The following PLEKHA5 variants were observed in gnomAD, a reference collection of about 807,000 sequenced individuals.
PLEKHA5 encodes pleckstrin homology domain-containing family A member 5.
Under a neutral mutation model 181.9 loss-of-function variants are expected in PLEKHA5, and 55 were observed. That is an observed-to-expected ratio of 0.30 (90% CI 0.24 to 0.38). The LOEUF (loss-of-function observed/expected upper bound fraction) is 0.38, where lower values mean the gene tolerates loss of function less well. Among genes scored for constraint, PLEKHA5 ranks in the 10% least tolerant of loss-of-function variants. The pLI, the probability that PLEKHA5 is intolerant of heterozygous loss-of-function variation, is 1.00. For synonymous variants in PLEKHA5, 535 were observed against 529.4 expected, an observed-to-expected ratio of 1.01 and a Z score of -0.15; for missense variants, 1,432 against 1,549.5, an observed-to-expected ratio of 0.92 and a Z score of 1.27.
intron 3 of PLEKHA5, among the ~76,000 whole-genome samples, chr12:19,161,848 A>G (rs1462901224): frequency 6.6e-6 from 1 of 152,220 alleles, no homozygotes; most frequent in Non-Finnish European, 1.5e-5. Context: ...TGGGAGATTA[A>G]CCAAGATTGA....
chr12:19,290,707 C>T lies in PLEKHA5; in HGVS notation c.1894C>T (p.Leu632=). 2 of 1,534,808 alleles carry T rather than the reference C, an allele frequency of 1.3e-6. No individual in the cohort carries two copies. The highest frequency in any genetic ancestry group is 1.7e-4 in the Middle Eastern group (1 of 5,986). The stretch of plus-strand genomic sequence containing the variant: ...GGAGCTTACGCTGCTGCTAATAAAG[C>T]TGAGACGGCAGCAAGCCGAACTGAG... The part of the protein sequence containing the change: ...PEELTLLLIK[L]RRQQAELSSI... Residue 632 remains leucine (L), a synonymous_variant, in exon 14 of 32, where the codon CTG becomes TTG. Coordinates refer to ENST00000429027, the MANE Select transcript of PLEKHA5 (RefSeq NM_001256470.2).
chr12:19,369,810 C>T lies in PLEKHA5; in HGVS notation c.*11+12C>T. ...TAGTCTTAGAAGAAGTACGTCATTTCCCTTTGCATTTGTGCTTTAGTTTTT... is the reference window on the plus strand; with the variant it reads ...TAGTCTTAGAAGAAGTACGTCATTTTCCTTTGCATTTGTGCTTTAGTTTTT... On this transcript the variant is annotated intron_variant, in intron 31 of 31. Transcript: ENST00000429027. 1.4e-6 allele frequency: 2 copies of T among 1,456,662 alleles called. No individual in the cohort carries two copies. The highest frequency in any genetic ancestry group is 2.4e-5 in the South Asian group (2 of 82,930). 90.2% of individuals were successfully genotyped at this position (1,456,662 alleles called of 1,614,324 possible).
intron 3 of PLEKHA5, among the ~76,000 whole-genome samples, chr12:19,134,422 A>G (rs1002185664): frequency 6.6e-6 from 1 of 152,064 alleles, no homozygotes. Context: ...AACTTATAAT[A>G]TTATGGAAGT....
intron 3 of PLEKHA5, among the ~76,000 whole-genome samples, chr12:19,155,960 A>T (rs1368001921): frequency 6.6e-6 from 1 of 152,224 alleles, no homozygotes; most frequent in Non-Finnish European, 1.5e-5. Context: ...TCTGTGATAG[A>T]TTAAGCAGGC....
chr12:19,200,665 T>A, intron 3 of PLEKHA5: 1 of 1,052,444 alleles, frequency 9.5e-7, no homozygotes. Flanking sequence ...TTCATTCATT[T>A]TTCTTAACCC....
intron 3 of PLEKHA5, among the ~76,000 whole-genome samples, chr12:19,179,890 G>A (rs2048165087): frequency 6.6e-6 from 1 of 152,094 alleles, no homozygotes; most frequent in South Asian, 2.1e-4. Context: ...TAAAGAGAAA[G>A]GGTCTCGCTA....
At chr12:19,345,968 C>G in intron 23 of PLEKHA5, 80 bp downstream of exon 23, 1 of 675,132 alleles carries the variant, frequency 1.5e-6, no homozygotes. Flanking sequence ...CTTCTCTAAT[C>G]TTAATAACAA....
chr12:19,223,748 A>C (rs542511334), intron 3 of PLEKHA5, among the ~76,000 whole-genome samples: 2 of 152,290 alleles, frequency 1.3e-5, no homozygotes, highest in African/African-American at 4.8e-5. Context: ...AACTCAAAAC[A>C]TAATATTCTG....
chr12:19,165,806 T>C (rs1319310663), intron 3 of PLEKHA5, among the ~76,000 whole-genome samples: 4 of 152,160 alleles, frequency 2.6e-5, no homozygotes, highest in African/African-American at 7.2e-5. Context: ...GGGGTGCAAT[T>C]TCATCATAGT....
At chr12:19,353,316 G>A (rs949424375) in intron 25 of PLEKHA5, among the ~76,000 whole-genome samples, 2 of 151,456 alleles carry the variant, frequency 1.3e-5, no homozygotes. Flanking sequence ...ACCATGCCTG[G>A]CTAATTTTTG....
At chr12:19,212,464 T>C (rs1202041632) in intron 3 of PLEKHA5, among the ~76,000 whole-genome samples, 1 of 152,160 alleles carries the variant, frequency 6.6e-6, no homozygotes, top group East Asian at 1.9e-4. Flanking sequence ...GCTGATCACC[T>C]GAGGCCAGGA....
intron 30 of PLEKHA5, among the ~76,000 whole-genome samples, chr12:19,369,149 C>A (rs554146839): frequency 5.5e-4 from 83 of 151,948 alleles, no homozygotes; most frequent in African/African-American, 2.0e-3. Flanking sequence ...TTTCTCCTAC[C>A]CCGGCCTCCT....
intron 4 of PLEKHA5, among the ~76,000 whole-genome samples, chr12:19,254,540 G>T (rs769296785): frequency 1.4e-4 from 21 of 152,120 alleles, no homozygotes; most frequent in Non-Finnish European, 2.4e-4. Context: ...AACATGATAG[G>T]CCGGGCACAG....
At chr12:19,228,084 A>G (rs1001195458) in intron 3 of PLEKHA5, among the ~76,000 whole-genome samples, 5 of 152,200 alleles carry the variant, frequency 3.3e-5, no homozygotes, top group African/African-American at 7.2e-5. Flanking sequence ...AAGTGAAACT[A>G]CTTCATGGGA....
chr12:19,315,622 A>G lies in PLEKHA5; in HGVS notation c.2118+728A>G, dbSNP rs537716901. On this transcript the variant is annotated intron_variant, in intron 16 of 31. Transcript: ENST00000429027. Reference sequence around the variant, plus strand: ...AATGTTTCTAGCTATGTGTTTCTCAACATCAGCTTCTTTCACTTCAACACC... The same window carrying G: ...AATGTTTCTAGCTATGTGTTTCTCAGCATCAGCTTCTTTCACTTCAACACC... 1.1e-3 allele frequency among the ~76,000 whole-genome samples: 172 copies of G among 152,290 alleles called. 1 individual carries two copies. Among genetic ancestry groups the G allele is most frequent in the African/African-American group, 3.7e-3 (154 of 41,580 alleles).
chr12:19,300,388 T>C (rs995342501), intron 15 of PLEKHA5, among the ~76,000 whole-genome samples: 6 of 152,206 alleles, frequency 3.9e-5, no homozygotes, highest in African/African-American at 1.4e-4. Context: ...CTAAAATGCA[T>C]AATAGTTATA....
intron 3 of PLEKHA5, among the ~76,000 whole-genome samples, chr12:19,163,269 T>C (rs1339207916): frequency 6.6e-6 from 1 of 151,728 alleles, no homozygotes; most frequent in Non-Finnish European, 1.5e-5. Flanking sequence ...CTCCACCTCC[T>C]GGGTTCACGC....
chr12:19,161,701 A>G (rs1478927953), intron 3 of PLEKHA5, among the ~76,000 whole-genome samples: 2 of 152,228 alleles, frequency 1.3e-5, no homozygotes, highest in Non-Finnish European at 2.9e-5. Flanking sequence ...TTAACTTTCT[A>G]AAGTGTGTTG....
At chr12:19,365,932 C>T in intron 29 of PLEKHA5, 32 bp from the exon 30 acceptor site, 1 of 1,540,712 alleles carries the variant, frequency 6.5e-7, no homozygotes, top group Non-Finnish European at 8.7e-7. Context: ...TCTATAGTGA[C>T]AAATTTTTAA....
Sources: gnomAD v4.1 joint callset for allele counts (sites outside exome capture counted in the v4.1 genomes callset) on GRCh38, gnomAD v4.1.1 for gene constraint, MANE v1.5 for transcripts, NCBI Gene and HGNC (gene_info 2026-07-23, HGNC 2026-07-21) for gene names.